PSMG1: variants seen among roughly 807,000 people sequenced by gnomAD.
PSMG1 encodes proteasome assembly chaperone 1, also known as Down syndrome critical region gene 2.
A neutral mutation model predicts 37.2 loss-of-function variants in PSMG1; 23 were observed. The ratio of observed to expected loss-of-function variants is 0.62; its 90% CI spans 0.44 to 0.88. The LOEUF (loss-of-function observed/expected upper bound fraction) is 0.88. Ranked by LOEUF, PSMG1 falls within the 40% of genes least tolerant of loss-of-function variation. PSMG1 has a pLI of 0.00. For synonymous variants in PSMG1, 127 were observed against 128.0 expected (o/e 0.99, Z 0.05); for missense variants, 340 against 344.2 (o/e 0.99, Z 0.10).
In PSMG1 at chr21:39,174,790, CG is replaced by C. The variant is rs1237399754; in HGVS notation, c.*799del. The C allele has an allele frequency of 1.3e-5, 2 of 152,154 alleles. No individual in the cohort carries two copies. The highest frequency in any genetic ancestry group is 4.8e-5 in the African/African-American group (2 of 41,440). 9.4% of individuals were successfully genotyped at this position (152,154 alleles called of 1,614,324 possible). A position where few individuals can be genotyped will look rare whatever the true frequency, so the allele number is the denominator to read the frequency against. On this transcript the variant is annotated 3_prime_UTR_variant, in exon 7 of 7. Coordinates refer to ENST00000331573, the MANE Select transcript of PSMG1 (RefSeq NM_003720.4). ...GTCCTGTGAAGTTGTGTGGCTACTC[CG>C]GGTTCATGATTCCATTCACACTCCT...
At position 39,177,495 on chromosome 21, in the gene PSMG1, T is replaced by G. The variant is rs1240870520; in HGVS notation, c.732A>C (p.Leu244=). 2 of 1,608,536 alleles carry G rather than the reference T, an allele frequency of 1.2e-6. No homozygotes were observed. Among genetic ancestry groups the G allele is most frequent in the Non-Finnish European group, 1.7e-6 (2 of 1,177,338 alleles). ...TAGGCTTAAAAGCTTCCACTGTGATTAGGTCTAATTTCATCACATCAGTAT... is the reference window on the plus strand; with the variant it reads ...TAGGCTTAAAAGCTTCCACTGTGATGAGGTCTAATTTCATCACATCAGTAT... ...LCYTDVMKLD[L]ITVEAFKPIL... The change falls in exon 6 of 7, where the codon CTA becomes CTC. Residue 244 remains leucine, a synonymous_variant. Transcript: ENST00000331573.
Position 39,177,473 on chromosome 21 carries a change from G to A in PSMG1, c.754C>T (p.Pro252Ser). The A allele has an allele frequency of 6.2e-7, 1 of 1,606,162 alleles. No individual in the cohort carries two copies. Among genetic ancestry groups the A allele is most frequent in the Non-Finnish European group, 8.5e-7 (1 of 1,177,020 alleles). The change falls in exon 6 of 7, where the codon CCT becomes TCT. Residue 252 changes from proline (P) to serine (S), a missense_variant. By Grantham distance (74) the Pro-to-Ser change is moderately conservative. Transcript: ENST00000331573. The stretch of plus-strand genomic sequence containing the variant: ...TTCAAGCTTCTGGTAGAAAGTATAG[G>A]CTTAAAAGCTTCCACTGTGATTAGG... ...LDLITVEAFK[P>S]ILSTRSLKGL...
rs2030594165 is a variant in PSMG1, at chr21:39,175,515, A to C, written c.*75T>G. ...TTCTCAAAATATATCCCCCAAAAGT[A>C]ATCTACAAAAGAGTGCAGGCTGCTC... On this transcript the variant is annotated 3_prime_UTR_variant, in exon 7 of 7. Transcript: ENST00000331573. The C allele has an allele frequency of 2.1e-6, 3 of 1,445,494 alleles. No individual in the cohort carries two copies. Among genetic ancestry groups the C allele is most frequent in the Admixed American group, 5.2e-5 (2 of 38,582 alleles). The allele number at this position is 1,445,494 out of a possible 1,614,324, so 89.5% of individuals were successfully genotyped here.
At position 39,175,505 on chromosome 21, in the gene PSMG1, C is replaced by T. The variant is rs759117074; in HGVS notation, c.*85G>A. The T allele has an allele frequency of 5.4e-5, 77 of 1,419,324 alleles. No homozygotes were observed. The highest frequency in any genetic ancestry group is 7.0e-5 in the Non-Finnish European group (76 of 1,080,374). 87.9% of individuals were successfully genotyped at this position (1,419,324 alleles called of 1,614,324 possible). On this transcript the variant is annotated 3_prime_UTR_variant, in exon 7 of 7. Transcript: ENST00000331573. The stretch of plus-strand genomic sequence containing the variant: ...CGTTTCATCATTCTCAAAATATATC[C>T]CCCAAAAGTAATCTACAAAAGAGTG...
intron 6 of PSMG1, among the ~76,000 whole-genome samples, chr21:39,176,321 A>G (rs2146404172): frequency 6.6e-6 from 1 of 152,352 alleles, no homozygotes; most frequent in South Asian, 2.1e-4. Context: ...ATGATTTCCA[A>G]GTCTCTGAAC....
At position 39,177,491 on chromosome 21, in the gene PSMG1, T is replaced by A; in HGVS notation, c.736A>T (p.Thr246Ser). Residue 246 changes from threonine (T) to serine (S), a missense_variant, in exon 6 of 7, where the codon ACA (threonine) becomes TCA (serine). Physicochemically the swap from Thr to Ser is moderately conservative, Grantham distance 58. Coordinates refer to ENST00000331573, the MANE Select transcript of PSMG1 (RefSeq NM_003720.4). The part of the protein sequence containing the change: ...YTDVMKLDLI[T>S]VEAFKPILST... ...AGTATAGGCTTAAAAGCTTCCACTG[T>A]GATTAGGTCTAATTTCATCACATCA... The A allele has an allele frequency of 6.2e-7, 1 of 1,608,752 alleles. No individual in the cohort carries two copies. Among genetic ancestry groups the A allele is most frequent in the Non-Finnish European group, 8.5e-7 (1 of 1,177,832 alleles).
rs563561934 is a variant in PSMG1 at position 39,179,539 on chromosome 21, G to A, written c.456+385C>T. The stretch of plus-strand genomic sequence containing the variant: ...TTCTAAATGTCCTCTTCTATAAGTA[G>A]AAGAGTCTGGATTTGATAGATTTCT... On this transcript the variant is annotated intron_variant, in intron 4 of 6. Coordinates refer to ENST00000331573, the MANE Select transcript of PSMG1 (RefSeq NM_003720.4). Among the ~76,000 whole-genome samples, 7 of 152,272 alleles carry A rather than the reference G, an allele frequency of 4.6e-5. No individual in the cohort carries two copies. The South Asian group carries it at 1.5e-3, about 32-fold the overall frequency.
At position 39,180,333 on chromosome 21, in the gene PSMG1, G is replaced by T; in HGVS notation, c.345C>A (p.Ser115=). The change falls in exon 3 of 7, where the codon TCC becomes TCA. Residue 115 remains serine, a synonymous_variant. Coordinates refer to ENST00000331573, the MANE Select transcript of PSMG1 (RefSeq NM_003720.4). ...AAAACACACAAAAAGCCTCTGTGGAGGACAGATGTGTAGTGTCTGTTGTTC... is the reference window on the plus strand; with the variant it reads ...AAAACACACAAAAAGCCTCTGTGGATGACAGATGTGTAGTGTCTGTTGTTC... The part of the protein sequence containing the change: ...WCRTTDTTHL[S]STEAFCVFYH... 3 of 1,612,378 alleles carry T rather than the reference G, an allele frequency of 1.9e-6. No individual in the cohort carries two copies. Among genetic ancestry groups the T allele is most frequent in the Non-Finnish European group, 2.5e-6 (3 of 1,179,226 alleles).
intron 6 of PSMG1, among the ~76,000 whole-genome samples, chr21:39,177,215 C>A (rs1172508886): frequency 6.6e-6 from 1 of 152,166 alleles, no homozygotes; most frequent in Non-Finnish European, 1.5e-5. Flanking sequence ...AATTGCACTG[C>A]ATTAATCTAT....
chr21:39,177,651 G>T, intron 5 of PSMG1, 80 bp from the exon 6 acceptor site: 5 of 1,158,830 alleles, frequency 4.3e-6, no homozygotes, highest in Non-Finnish European at 5.6e-6. Context: ...AATAATAAAG[G>T]CTGTTGTTAA....
chr21:39,176,092 A>G (rs2030617515), intron 6 of PSMG1, among the ~76,000 whole-genome samples: 1 of 152,214 alleles, frequency 6.6e-6, no homozygotes, highest in Admixed American at 6.5e-5. Flanking sequence ...AGAACTCAAA[A>G]TAATTCCACC....
At chr21:39,175,876 C>A (rs1355511343) in intron 6 of PSMG1, among the ~76,000 whole-genome samples, 1 of 152,118 alleles carries the variant, frequency 6.6e-6, no homozygotes, top group Non-Finnish European at 1.5e-5. Context: ...GATCTCCTGG[C>A]CTCCGATGGT....
At chr21:39,183,455 G>C (rs962285230), upstream of PSMG1, 3 of 1,485,368 alleles carry the variant, frequency 2.0e-6, no homozygotes, top group African/African-American at 2.9e-5. Context: ...GCGAGACCAC[G>C]CTCCCTCACC....
intron 1 of PSMG1, among the ~76,000 whole-genome samples, chr21:39,182,462 T>C (rs1330156378): frequency 6.6e-6 from 1 of 152,190 alleles, no homozygotes; most frequent in African/African-American, 2.4e-5. Context: ...AATGTCATGT[T>C]TGAAAAAACT....
At chr21:39,177,352 T>C in intron 6 of PSMG1, 83 bp downstream of exon 6, 2 of 1,311,402 alleles carry the variant, frequency 1.5e-6, no homozygotes, top group Non-Finnish European at 2.0e-6. Flanking sequence ...TGCTTAGGGT[T>C]TAAAATGACA....
rs1430192678 is a variant in PSMG1 at position 39,177,524 on chromosome 21, A to G, written c.703T>C (p.Cys235Arg). Residue 235 changes from cysteine (C) to arginine (R), a missense_variant, in exon 6 of 7, where the codon TGT becomes CGT. By Grantham distance (180) the Cys-to-Arg change is radical. Transcript: ENST00000331573. ...TCTAATTTCATCACATCAGTATAAC[A>G]CAAGTACAGAATTGCTGGGATTTTC... ...VWKIPAILYL[C>R]YTDVMKLDLI... 1 of 1,604,036 alleles carries G rather than the reference A, an allele frequency of 6.2e-7. No individual in the cohort carries two copies. Among genetic ancestry groups the G allele is most frequent in the African/African-American group, 1.3e-5 (1 of 74,486 alleles).
In PSMG1 at chr21:39,183,425, G is replaced by A. The variant is rs13052882; in HGVS notation, c.-40C>T. On this transcript the variant is annotated 5_prime_UTR_variant, in exon 1 of 7. Transcript: ENST00000331573. ...CGGCTGGACACAACTGCAGCGCCGC[G>A]GGACCGCACGCCGGCTTGCGCGAGA... The A allele has an allele frequency of 1.9e-6, 3 of 1,539,768 alleles. No homozygotes were observed. Among genetic ancestry groups the A allele is most frequent in the East Asian group, 2.5e-5 (1 of 39,468 alleles).
At chr21:39,177,219 A>C (rs770444441) in intron 6 of PSMG1, among the ~76,000 whole-genome samples, 1 of 152,246 alleles carries the variant, frequency 6.6e-6, no homozygotes, top group African/African-American at 2.4e-5. Flanking sequence ...GCACTGCATT[A>C]ATCTATCATA....
intron 6 of PSMG1, among the ~76,000 whole-genome samples, chr21:39,176,626 T>G (rs2146404576): frequency 6.6e-6 from 1 of 152,376 alleles, no homozygotes; most frequent in East Asian, 1.9e-4. Context: ...GATGGCTTTA[T>G]TCAACATGCC....
Sources: gnomAD v4.1 joint callset for allele counts (sites outside exome capture counted in the v4.1 genomes callset) on GRCh38, gnomAD v4.1.1 for gene constraint, MANE v1.5 for transcripts, NCBI Gene and HGNC (gene_info 2026-07-23, HGNC 2026-07-21) for gene names.